Variants in PIP4K2A observed in about 807,000 individuals in gnomAD.
PIP4K2A encodes the protein phosphatidylinositol 5-phosphate 4-kinase type-2 alpha.
In PIP4K2A, 14 loss-of-function variants were observed where a neutral mutation model predicts 42.9. The observed-to-expected ratio is 0.33, with a 90% confidence interval of 0.22 to 0.51. The LOEUF (loss-of-function observed/expected upper bound fraction) is 0.51, where lower values mean the gene tolerates loss of function less well. Ranked by LOEUF, PIP4K2A falls within the 20% of genes least tolerant of loss-of-function variation. The pLI, the probability that PIP4K2A is intolerant of heterozygous loss-of-function variation, is 0.97. For synonymous variants in PIP4K2A, 192 were observed against 192.2 expected (o/e 1.00, Z 0.01); for missense variants, 434 against 519.8 (o/e 0.83, Z 1.61).
chr10:22,653,008 G>A lies in PIP4K2A; in HGVS notation c.145-43291C>T, dbSNP rs577239845. Among the ~76,000 whole-genome samples the A allele has an allele frequency of 2.7e-4, 41 of 152,206 alleles. 1 individual carries two copies. The highest frequency in any genetic ancestry group is 1.8e-3 in the Admixed American group (27 of 15,296). On this transcript the variant is annotated intron_variant, in intron 1 of 9. Transcript: ENST00000376573. Reference sequence around the variant, plus strand: ...GCTCAGGAGGCTGATGTGGGAGGATGGCTCGAGCCCGTAAGTTTGAGGTTG... The same window carrying A: ...GCTCAGGAGGCTGATGTGGGAGGATAGCTCGAGCCCGTAAGTTTGAGGTTG...
chr10:22,687,038 A>T (rs1008652280), intron 1 of PIP4K2A, among the ~76,000 whole-genome samples: 1 of 152,018 alleles, frequency 6.6e-6, no homozygotes, highest in African/African-American at 2.4e-5. Flanking sequence ...GTTTTACTGG[A>T]TTAAGTTCTT....
chr10:22,610,520 G>A (rs1223895717), intron 1 of PIP4K2A, among the ~76,000 whole-genome samples: 2 of 152,158 alleles, frequency 1.3e-5, no homozygotes, highest in Admixed American at 6.5e-5. Context: ...TACGCTGAAG[G>A]ATTCTCAGTT....
intron 1 of PIP4K2A, among the ~76,000 whole-genome samples, chr10:22,619,103 C>A (rs1368536974): frequency 1.3e-5 from 2 of 152,052 alleles, no homozygotes; most frequent in Middle Eastern, 3.4e-3. Context: ...ACTTGAGCAC[C>A]AGCTCTCATT....
At chr10:22,569,115 G>C (rs1836919374) in intron 5 of PIP4K2A, 1 of 1,195,638 alleles carries the variant, frequency 8.4e-7, no homozygotes, top group Non-Finnish European at 1.2e-6. Context: ...GCATTGACTA[G>C]GATTGAGCTT....
chr10:22,600,759 C>A (rs931861603), intron 3 of PIP4K2A, among the ~76,000 whole-genome samples: 2 of 152,006 alleles, frequency 1.3e-5, no homozygotes, highest in Admixed American at 6.6e-5. Flanking sequence ...GTCCTCTGAC[C>A]CCGCCAGAGA....
intron 1 of PIP4K2A, among the ~76,000 whole-genome samples, chr10:22,695,628 T>A (rs1588712211): frequency 2.6e-5 from 4 of 152,168 alleles, no homozygotes; most frequent in South Asian, 2.1e-4. Flanking sequence ...AGTCTTCCCT[T>A]GGTATCTTTG....
intron 1 of PIP4K2A, among the ~76,000 whole-genome samples, chr10:22,635,808 G>C (rs1220763031): frequency 5.3e-5 from 8 of 152,188 alleles, no homozygotes; most frequent in African/African-American, 1.9e-4. Flanking sequence ...CAAGCAACAG[G>C]TGCTAGGAAT....
At chr10:22,557,556 G>A (rs2130772772) in intron 6 of PIP4K2A, among the ~76,000 whole-genome samples, 1 of 152,338 alleles carries the variant, frequency 6.6e-6, no homozygotes, top group South Asian at 2.1e-4. Context: ...TTCATATGGA[G>A]TTGAGCAATA....
chr10:22,615,293 T>C (rs1838151155), intron 1 of PIP4K2A, among the ~76,000 whole-genome samples: 1 of 152,200 alleles, frequency 6.6e-6, no homozygotes, highest in South Asian at 2.1e-4. Flanking sequence ...TTTTTTGTGG[T>C]GACAAGGTCT....
chr10:22,606,380 A>G (rs1407655174), intron 3 of PIP4K2A, among the ~76,000 whole-genome samples: 4 of 152,166 alleles, frequency 2.6e-5, no homozygotes, highest in Non-Finnish European at 5.9e-5. Flanking sequence ...ATGAGCAACC[A>G]CATCCTTCCT....
intron 1 of PIP4K2A, among the ~76,000 whole-genome samples, chr10:22,670,899 A>G (rs1358357833): frequency 6.6e-6 from 1 of 152,194 alleles, no homozygotes; most frequent in East Asian, 1.9e-4. Flanking sequence ...GATTGCAATT[A>G]TAGTCACAGC....
chr10:22,703,746 C>T (rs1833758972), intron 1 of PIP4K2A, among the ~76,000 whole-genome samples: 2 of 152,142 alleles, frequency 1.3e-5, no homozygotes, highest in South Asian at 4.1e-4. Context: ...TGAAACAGGG[C>T]AAAACTGAAT....
intron 1 of PIP4K2A, among the ~76,000 whole-genome samples, chr10:22,663,508 A>C (rs1839248421): frequency 6.6e-6 from 1 of 152,198 alleles, no homozygotes; most frequent in African/African-American, 2.4e-5. Context: ...GAAAGAACAA[A>C]TTATATATTA....
At chr10:22,697,315 G>A (rs1185555745) in intron 1 of PIP4K2A, among the ~76,000 whole-genome samples, 1 of 152,218 alleles carries the variant, frequency 6.6e-6, no homozygotes, top group African/African-American at 2.4e-5. Flanking sequence ...CAGCACAAGT[G>A]ACCGGCATTA....
chr10:22,698,327 G>A (rs1042210230), intron 1 of PIP4K2A, among the ~76,000 whole-genome samples: 2 of 152,168 alleles, frequency 1.3e-5, no homozygotes, highest in Non-Finnish European at 2.9e-5. Context: ...AGAAGATGTG[G>A]GAAAGCAGCT....
intron 1 of PIP4K2A, among the ~76,000 whole-genome samples, chr10:22,677,309 G>A (rs1839578327): frequency 6.6e-6 from 1 of 152,162 alleles, no homozygotes; most frequent in South Asian, 2.1e-4. Flanking sequence ...GACTTAATGG[G>A]CACGCCAAAT....
intron 3 of PIP4K2A, among the ~76,000 whole-genome samples, chr10:22,595,713 C>G (rs934367984): frequency 6.6e-6 from 1 of 151,748 alleles, no homozygotes; most frequent in African/African-American, 2.4e-5. Context: ...GCCGAGATCA[C>G]ACCACCGCAC....
intron 1 of PIP4K2A, among the ~76,000 whole-genome samples, chr10:22,700,491 C>T (rs118092461): frequency 0.059 from 8,988 of 152,246 alleles, 326 homozygotes; most frequent in Non-Finnish European, 0.084. Context: ...GATGCATGAC[C>T]CGAGAAAAGC....
chr10:22,681,475 A>G (rs1469700840), intron 1 of PIP4K2A, among the ~76,000 whole-genome samples: 2 of 152,126 alleles, frequency 1.3e-5, no homozygotes, highest in Non-Finnish European at 2.9e-5. Flanking sequence ...AGAGTTTGAG[A>G]CCAGCCTTGG....
Sources: allele counts gnomAD v4.1 joint callset (sites outside exome capture counted in the v4.1 genomes callset), GRCh38; gene constraint gnomAD v4.1.1; transcripts MANE v1.5; gene names NCBI Gene and HGNC (gene_info 2026-07-23, HGNC 2026-07-21).